Variants in RIC1 observed in about 807,000 individuals in gnomAD.
The protein encoded by RIC1 is RIC1 partner of RAB6A GEF complex.
RIC1 carries 88 observed loss-of-function variants against 169.0 expected under a neutral mutation model. The ratio of observed to expected loss-of-function variants is 0.52; its 90% CI spans 0.44 to 0.62. The LOEUF (loss-of-function observed/expected upper bound fraction) is 0.62. Among genes scored for constraint, RIC1 ranks in the 20% least tolerant of loss-of-function variants. The pLI, the probability that RIC1 is intolerant of heterozygous loss-of-function variation, is 0.00. For missense variants in RIC1, 1,877 were observed against 1,725.5 expected, an observed-to-expected ratio of 1.09 and a Z score of -1.56; for synonymous variants, 790 against 601.5, an observed-to-expected ratio of 1.31 and a Z score of -4.59.
At chr9:5,686,975 A>G (rs1821287097) in intron 2 of RIC1, among the ~76,000 whole-genome samples, 1 of 152,188 alleles carries the variant, frequency 6.6e-6, no homozygotes, top group Non-Finnish European at 1.5e-5. Flanking sequence ...GTCTCAGCCT[A>G]GAATTTTCTT....
rs762156817 is a variant in RIC1 at position 5,747,419 on chromosome 9, C to G, written c.1366C>G (p.Arg456Gly). Residue 456 changes from arginine (R) to glycine (G), a missense_variant, in exon 12 of 26, where the codon CGA becomes GGA. Coordinates refer to ENST00000414202, the MANE Select transcript of RIC1 (RefSeq NM_020829.4). Reference sequence around the variant, plus strand: ...AACACACTCTGAGCATAAGCCCAGTCGAGAAAAGAGCCCATTTGCAGATGG... The same window carrying G: ...AACACACTCTGAGCATAAGCCCAGTGGAGAAAAGAGCCCATTTGCAGATGG... ...SSTHSEHKPS[R>G]EKSPFADGGL... 1 of 1,613,978 alleles carries G rather than the reference C, an allele frequency of 6.2e-7. No homozygotes were observed. The highest frequency in any genetic ancestry group is 8.5e-7 in the Non-Finnish European group (1 of 1,179,936).
intron 2 of RIC1, among the ~76,000 whole-genome samples, chr9:5,680,669 G>T (rs995755569): frequency 9.9e-5 from 15 of 152,096 alleles, no homozygotes; most frequent in African/African-American, 3.4e-4. Flanking sequence ...ATGGTAGTTT[G>T]TATTTCTGTG....
intron 1 of RIC1, among the ~76,000 whole-genome samples, chr9:5,641,602 T>C (rs1030806484): frequency 1.4e-4 from 22 of 152,158 alleles, no homozygotes; most frequent in South Asian, 4.1e-4. Flanking sequence ...CTTCACTGTT[T>C]TCTATTCTTT....
At chr9:5,650,433 G>A (rs1024262575) in intron 1 of RIC1, among the ~76,000 whole-genome samples, 2 of 152,050 alleles carry the variant, frequency 1.3e-5, no homozygotes, top group African/African-American at 4.8e-5. Context: ...CCCTGGTAGA[G>A]TGCTCAGGTA....
intron 1 of RIC1, among the ~76,000 whole-genome samples, chr9:5,638,772 G>C (rs1205407570): frequency 6.6e-6 from 1 of 151,938 alleles, no homozygotes; most frequent in Non-Finnish European, 1.5e-5. Flanking sequence ...GCAACTTTAT[G>C]TTTCTTTGGT....
At chr9:5,647,593 T>C (rs1029889388) in intron 1 of RIC1, among the ~76,000 whole-genome samples, 1 of 152,212 alleles carries the variant, frequency 6.6e-6, no homozygotes, top group Admixed American at 6.5e-5. Context: ...CTGTGTTGAT[T>C]TTGTATTCTG....
chr9:5,722,291 A>G (rs1296427278), intron 6 of RIC1, among the ~76,000 whole-genome samples: 1 of 140,550 alleles, frequency 7.1e-6, no homozygotes, highest in Non-Finnish European at 1.5e-5. Context: ...GAGGAACTAT[A>G]TCACTTAAGG....
In RIC1 at chr9:5,770,275, A is replaced by G; in HGVS notation, c.3613A>G (p.Lys1205Glu). ...QDAFLSPLSN[K>E]GDECSIGSAT... ...TGCCTTCTTGTCACCTTTATCTAAT[A>G]AAGGTAAATGTAATTTTAAATCCTA... The change falls in exon 23 of 26, where the codon AAA (lysine) becomes GAA (glutamate). Residue 1205 changes from lysine (K) to glutamate (E), a missense_variant. This residue lies in a region of RIC1 where 681 missense variants were observed against 582.0 expected (regional missense o/e 1.17). Coordinates refer to ENST00000414202, the MANE Select transcript of RIC1 (RefSeq NM_020829.4). 1.9e-6 allele frequency: 3 copies of G among 1,611,886 alleles called. No homozygotes were observed. Among genetic ancestry groups the G allele is most frequent in the Non-Finnish European group, 2.5e-6 (3 of 1,178,718 alleles).
chr9:5,665,134 C>A (rs146974287), intron 2 of RIC1, among the ~76,000 whole-genome samples: 1 of 152,014 alleles, frequency 6.6e-6, no homozygotes, highest in South Asian at 2.1e-4. Context: ...TTTAGCTCTT[C>A]TTGTTGAATT....
intron 10 of RIC1, among the ~76,000 whole-genome samples, chr9:5,743,952 A>C (rs959343985): frequency 2.6e-5 from 4 of 152,090 alleles, no homozygotes; most frequent in African/African-American, 7.2e-5. Flanking sequence ...GCACACCACT[A>C]TCCACACACG....
In RIC1 at chr9:5,769,084, C is replaced by A; in HGVS notation, c.3252C>A (p.Ala1084=). 6.2e-7 allele frequency: 1 copy of A among 1,614,012 alleles called. No individual in the cohort carries two copies. The highest frequency in any genetic ancestry group is 1.1e-5 in the South Asian group (1 of 91,078). ...TAAAGGACCTTGGCTGCTTTGCAGC[C>A]CAGCTGGGCTTTGAACTAATTAGTT... ...VRLKDLGCFA[A]QLGFELISWL... Residue 1084 remains alanine, a synonymous_variant, in exon 22 of 26, where the codon GCC becomes GCA. Coordinates refer to ENST00000414202, the MANE Select transcript of RIC1 (RefSeq NM_020829.4).
chr9:5,746,778 A>C (rs759695126), intron 11 of RIC1, among the ~76,000 whole-genome samples: 20 of 152,162 alleles, frequency 1.3e-4, no homozygotes, highest in African/African-American at 4.6e-4. Flanking sequence ...CCTACCATCA[A>C]TGGCTTTTTA....
At chr9:5,684,680 T>C (rs558008000) in intron 2 of RIC1, among the ~76,000 whole-genome samples, 3 of 152,304 alleles carry the variant, frequency 2.0e-5, no homozygotes, top group African/African-American at 7.2e-5. Flanking sequence ...AGTTTTACTT[T>C]TTCTCCCCAA....
Position 5,773,048 on chromosome 9 carries a change from C to A in RIC1, c.3951C>A (p.Leu1317=). Reference sequence around the variant, plus strand: ...TGTTACAGAACATAAAGACAGGGCTCCATGCAGTGGACCGATGGGCCTCTA... The same window carrying A: ...TGTTACAGAACATAAAGACAGGGCTACATGCAGTGGACCGATGGGCCTCTA... The part of the protein sequence containing the change: ...GEMLQNIKTG[L]HAVDRWASTD... Residue 1317 remains leucine, a synonymous_variant, in exon 25 of 26, where the codon CTC becomes CTA. Transcript: ENST00000414202. 6.2e-7 allele frequency: 1 copy of A among 1,613,108 alleles called. No homozygotes were observed. The highest frequency in any genetic ancestry group is 8.5e-7 in the Non-Finnish European group (1 of 1,179,522).
chr9:5,756,124 G>A (rs1489471017), intron 15 of RIC1, 88 bp from the exon 16 acceptor site: 15 of 778,304 alleles, frequency 1.9e-5, no homozygotes, highest in African/African-American at 9.1e-5. Flanking sequence ...AAAAAAAGTC[G>A]GAAGTTAAAA....
At chr9:5,727,543 A>G (rs1824074642) in intron 6 of RIC1, among the ~76,000 whole-genome samples, 1 of 152,090 alleles carries the variant, frequency 6.6e-6, no homozygotes, top group African/African-American at 2.4e-5. Context: ...TCTTCTCTCA[A>G]CTCATCAAAG....
rs1420732617 is a variant in RIC1, at chr9:5,772,681, T to C, written c.3734T>C (p.Leu1245Pro). The change falls in exon 24 of 26, where the codon CTG (leucine) becomes CCG (proline). Residue 1245 changes from leucine to proline, a missense_variant. Physicochemically the swap from Leu to Pro is moderately conservative, Grantham distance 98 (BLOSUM62 -3). Around this residue, in one of 3 missense-constraint regions of RIC1, gnomAD observed 681 missense variants for 582.0 expected, o/e 1.17. Transcript: ENST00000414202. ...FSTLSLTQSELEHISMELASK... is the reference protein window; with the variant it reads ...FSTLSLTQSEPEHISMELASK... ...ACACTCAGTTTAACTCAGTCAGAGC[T>C]GGAGCACATTTCCATGGAGTTGGCC... The C allele has an allele frequency of 6.2e-7, 1 of 1,613,664 alleles. No individual in the cohort carries two copies. The highest frequency in any genetic ancestry group is 8.5e-7 in the Non-Finnish European group (1 of 1,179,906).
At chr9:5,679,334 G>A (rs1210065699) in intron 2 of RIC1, among the ~76,000 whole-genome samples, 25 of 152,096 alleles carry the variant, frequency 1.6e-4, no homozygotes. Context: ...CTCTTTTTTG[G>A]TTCCATATGA....
chr9:5,733,705 G>A (rs1824516971), intron 7 of RIC1, among the ~76,000 whole-genome samples: 1 of 151,998 alleles, frequency 6.6e-6, no homozygotes, highest in South Asian at 2.1e-4. Context: ...AGAAATACGA[G>A]TAAGTTTAAC....
Sources: allele counts gnomAD v4.1 joint callset (sites outside exome capture counted in the v4.1 genomes callset), GRCh38; gene constraint gnomAD v4.1.1; regional missense constraint gnomAD v4.1.1; transcripts MANE v1.5; gene names NCBI Gene and HGNC (gene_info 2026-07-23, HGNC 2026-07-21).